The following DLX4 variants were observed in gnomAD, a reference collection of about 807,000 sequenced individuals.
The protein encoded by DLX4 is distal-less homeobox 4, also known as homeobox protein DLX-4.
Under a neutral mutation model 17.1 loss-of-function variants are expected in DLX4, and 13 were observed. That is an observed-to-expected ratio of 0.76 (90% confidence interval 0.49 to 1.21). The LOEUF is 1.21. DLX4 is among the 50% of genes most tolerant of loss of function. The probability of loss-of-function intolerance (pLI) is 0.00; values close to 1 mark genes in which losing one functional copy is unlikely to be tolerated. For synonymous variants in DLX4, 129 were observed against 140.3 expected (o/e 0.92, Z 0.57); for missense variants, 297 against 301.4 (o/e 0.99, Z 0.11).
chr17:49,973,331 C>A, intron 2 of DLX4, 62 bp downstream of exon 2: 1 of 1,579,438 alleles, frequency 6.3e-7, no homozygotes. Flanking sequence ...AACTCATCCC[C>A]CAGCCCCAGC....
In DLX4 at chr17:49,969,632, TG is replaced by T; in HGVS notation, c.165del (p.Ser56LeufsTer77). ...TACTCCAGGCCGTATGGCCACCTCC[TG>T]TCTTACCCCTACACCGAGCCAGCGA... ...LSYSRPYGHL[L>X]SYPYTEPANP... On this transcript the variant is annotated frameshift_variant, in exon 1 of 3. Transcript: ENST00000240306. LOFTEE classifies it high-confidence loss of function. 6.2e-7 allele frequency: 1 copy of T among 1,612,762 alleles called. No homozygotes were observed. Among genetic ancestry groups the T allele is most frequent in the Non-Finnish European group, 8.5e-7 (1 of 1,179,954 alleles).
In DLX4 at chr17:49,972,677, T is replaced by G; in HGVS notation, c.284-396T>G. ...TGCAATGTCCTTCCTCTGTCATCTCTAGGCCTCGGCTCAGCCCTGGACCTA... is the reference window on the plus strand; with the variant it reads ...TGCAATGTCCTTCCTCTGTCATCTCGAGGCCTCGGCTCAGCCCTGGACCTA... On this transcript the variant is annotated intron_variant, in intron 1 of 2. Transcript: ENST00000240306. This position sits in a 1 kb window ranked among gnomAD's most constrained non-coding sequence, Gnocchi z 5.4. The G allele has an allele frequency of 8.6e-7, 1 of 1,160,998 alleles. No individual in the cohort carries two copies. Among genetic ancestry groups the G allele is most frequent in the Non-Finnish European group, 1.1e-6 (1 of 925,392 alleles). The allele number at this position is 1,160,998 out of a possible 1,614,324, so 71.9% of individuals were successfully genotyped here.
At chr17:49,971,252 G>A (rs1211165815) in intron 1 of DLX4, among the ~76,000 whole-genome samples, 1 of 152,086 alleles carries the variant, frequency 6.6e-6, no homozygotes, top group Non-Finnish European at 1.5e-5. Context: ...CCCATCCAGC[G>A]AAAAACCACA....
intron 1 of DLX4, among the ~76,000 whole-genome samples, chr17:49,970,504 T>C (rs1372645742): frequency 6.6e-6 from 1 of 152,222 alleles, no homozygotes; most frequent in Non-Finnish European, 1.5e-5. Context: ...CAGTTCCCGT[T>C]GCCTGGAGCA....
Position 49,972,739 on chromosome 17 carries a change from C to A in DLX4, c.284-334C>A. 2.2e-6 allele frequency: 3 copies of A among 1,377,830 alleles called. No homozygotes were observed. Among genetic ancestry groups the A allele is most frequent in the Non-Finnish European group, 2.8e-6 (3 of 1,071,726 alleles). 85.4% of individuals were successfully genotyped at this position (1,377,830 alleles called of 1,614,324 possible). A position where few individuals can be genotyped will look rare whatever the true frequency, so the allele number is the denominator to read the frequency against. On this transcript the variant is annotated intron_variant, in intron 1 of 2. Coordinates refer to ENST00000240306, the MANE Select transcript of DLX4 (RefSeq NM_138281.3). The surrounding 1 kb of genome is among the most constrained non-coding windows in gnomAD (Gnocchi z 5.4). ...CCGCCCTACCCCAAGCTGGCGCCAC[C>A]GCCCGTGGCTGAACTCCGACCTCCC...
At position 49,972,978 on chromosome 17, in the gene DLX4, G is replaced by C. The variant is rs763724785; in HGVS notation, c.284-95G>C. 6.5e-7 allele frequency: 1 copy of C among 1,545,304 alleles called. No individual in the cohort carries two copies. The highest frequency in any genetic ancestry group is 1.9e-5 in the Admixed American group (1 of 51,960). On this transcript the variant is annotated intron_variant, in intron 1 of 2. Transcript: ENST00000240306. This position sits in a 1 kb window ranked among gnomAD's most constrained non-coding sequence, Gnocchi z 5.4. ...GCGCTTTTTGCTATTTGCTGCCGAC[G>C]GCATGCAGACGAGATGCAAATAAGC...
intron 1 of DLX4, 57 bp from the exon 2 acceptor site, chr17:49,973,016 C>G (rs1598148016): frequency 1.3e-6 from 2 of 1,582,554 alleles, no homozygotes; most frequent in Non-Finnish European, 1.7e-6. Flanking sequence ...ATGAAACTGT[C>G]CGTCCTACCC....
Position 49,969,231 on chromosome 17 carries a change from C to G in DLX4, c.-238C>G, listed in dbSNP as rs1905409209. 2.4e-6 allele frequency: 1 copy of G among 424,264 alleles called. No homozygotes were observed. Among genetic ancestry groups the G allele is most frequent in the African/African-American group, 2.1e-5 (1 of 47,424 alleles). The allele number at this position is 424,264 out of a possible 1,614,324, so 26.3% of individuals were successfully genotyped here. On this transcript the variant is annotated 5_prime_UTR_variant, in exon 1 of 3. Transcript: ENST00000240306. ...CGAACCCGATGGAGAGGAGGGGGCC[C>G]CCATGGATTTAGGGGGGGAGGGGAA...
intron 1 of DLX4, among the ~76,000 whole-genome samples, chr17:49,970,640 C>T (rs1032358355): frequency 2.6e-5 from 4 of 152,202 alleles, no homozygotes; most frequent in Admixed American, 6.5e-5. Flanking sequence ...TGCCCACAAT[C>T]CCATCTGCAC....
intron 1 of DLX4, among the ~76,000 whole-genome samples, chr17:49,971,512 G>A (rs981742284): frequency 6.6e-5 from 10 of 152,142 alleles, no homozygotes; most frequent in Admixed American, 2.0e-4. Flanking sequence ...GGCAGATCTC[G>A]TAACTTGCTG....
rs571456657 is a variant in DLX4 at position 49,972,929 on chromosome 17, G to A, written c.284-144G>A. The A allele has an allele frequency of 1.8e-5, 27 of 1,479,830 alleles. No homozygotes were observed. The highest frequency in any genetic ancestry group is 2.2e-5 in the Non-Finnish European group (24 of 1,112,430). The allele number at this position is 1,479,830 out of a possible 1,614,324, so 91.7% of individuals were successfully genotyped here. ...TCCACGCGGAAGGTAGAGGGCAGGG[G>A]CCAAGGGGGCGATCCTGGTGGCTGC... On this transcript the variant is annotated intron_variant, in intron 1 of 2. Coordinates refer to ENST00000240306, the MANE Select transcript of DLX4 (RefSeq NM_138281.3). This position sits in a 1 kb window ranked among gnomAD's most constrained non-coding sequence, Gnocchi z 5.4.
chr17:49,973,013 T>G, intron 1 of DLX4, 60 bp from the exon 2 acceptor site: 4 of 1,579,378 alleles, frequency 2.5e-6, no homozygotes, highest in South Asian at 1.1e-5. Context: ...CTTATGAAAC[T>G]GTCCGTCCTA....
chr17:49,971,752 G>C (rs1346703583), intron 1 of DLX4, among the ~76,000 whole-genome samples: 1 of 152,086 alleles, frequency 6.6e-6, no homozygotes, highest in African/African-American at 2.4e-5. Context: ...GGACAGGCGC[G>C]GGCGGGAGCG....
Position 49,972,999 on chromosome 17 carries a change from T to G in DLX4, c.284-74T>G. 6.4e-7 allele frequency: 1 copy of G among 1,560,886 alleles called. No homozygotes were observed. The highest frequency in any genetic ancestry group is 8.7e-7 in the Non-Finnish European group (1 of 1,149,168). ...CGACGGCATGCAGACGAGATGCAAA[T>G]AAGCTTATGAAACTGTCCGTCCTAC... On this transcript the variant is annotated intron_variant, in intron 1 of 2. Coordinates refer to ENST00000240306, the MANE Select transcript of DLX4 (RefSeq NM_138281.3). The surrounding 1 kb of genome is among the most constrained non-coding windows in gnomAD (Gnocchi z 5.4).
In DLX4 at chr17:49,973,751, G is replaced by A. The variant is rs1371432992; in HGVS notation, c.531G>A (p.Lys177=). Residue 177 remains lysine (K), a synonymous_variant, in exon 3 of 3, where the codon AAG becomes AAA. Coordinates refer to ENST00000240306, the MANE Select transcript of DLX4 (RefSeq NM_138281.3). ...NKRSKYKKLL[K]QNSGGQEGDF... ...GCTCCAAGTATAAGAAGCTCCTGAA[G>A]CAGAATTCTGGGGGGCAGGAAGGGG... 6.5e-7 allele frequency: 1 copy of A among 1,537,798 alleles called. No homozygotes were observed. The highest frequency in any genetic ancestry group is 8.7e-7 in the Non-Finnish European group (1 of 1,142,942).
At position 49,972,975 on chromosome 17, in the gene DLX4, G is replaced by A; in HGVS notation, c.284-98G>A. 1.3e-6 allele frequency: 2 copies of A among 1,542,830 alleles called. No individual in the cohort carries two copies. Among genetic ancestry groups the A allele is most frequent in the South Asian group, 1.2e-5 (1 of 80,526 alleles). On this transcript the variant is annotated intron_variant, in intron 1 of 2. Coordinates refer to ENST00000240306, the MANE Select transcript of DLX4 (RefSeq NM_138281.3). The surrounding 1 kb of genome is among the most constrained non-coding windows in gnomAD (Gnocchi z 5.4). ...GCTGCGCTTTTTGCTATTTGCTGCC[G>A]ACGGCATGCAGACGAGATGCAAATA...
intron 2 of DLX4, 96 bp from the exon 3 acceptor site, chr17:49,973,605 G>A: frequency 7.0e-7 from 1 of 1,436,088 alleles, no homozygotes. Context: ...TGGTCTCCCA[G>A]GACTGTGCCT....
chr17:49,973,704 A>C lies in DLX4; in HGVS notation c.484A>C (p.Lys162Gln), dbSNP rs768699749. 6.7e-7 allele frequency: 1 copy of C among 1,495,120 alleles called. No homozygotes were observed. 92.6% of individuals were successfully genotyped at this position (1,495,120 alleles called of 1,614,324 possible). A position where few individuals can be genotyped will look rare whatever the true frequency, so the allele number is the denominator to read the frequency against. The change falls in exon 3 of 3, where the codon AAG becomes CAG. Residue 162 changes from lysine (K) to glutamine (Q), a missense_variant. Lys to Gln is a moderately conservative substitution (Grantham distance 53, BLOSUM62 1). Transcript: ENST00000240306. ...AQLGLTQTQV[K>Q]IWFQNKRSKY... Reference sequence around the variant, plus strand: ...CTTTCCCCTTTTCTTCCCGAAGGTAAAGATCTGGTTTCAGAACAAACGCTC... The same window carrying C: ...CTTTCCCCTTTTCTTCCCGAAGGTACAGATCTGGTTTCAGAACAAACGCTC...
In DLX4 at chr17:49,972,727, A is replaced by G; in HGVS notation, c.284-346A>G. 1.5e-6 allele frequency: 2 copies of G among 1,368,548 alleles called. No homozygotes were observed. Among genetic ancestry groups the G allele is most frequent in the South Asian group, 1.8e-5 (1 of 54,730 alleles). The allele number at this position is 1,368,548 out of a possible 1,614,324, so 84.8% of individuals were successfully genotyped here. A position where few individuals can be genotyped will look rare whatever the true frequency, so the allele number is the denominator to read the frequency against. On this transcript the variant is annotated intron_variant, in intron 1 of 2. Coordinates refer to ENST00000240306, the MANE Select transcript of DLX4 (RefSeq NM_138281.3). This position sits in a 1 kb window ranked among gnomAD's most constrained non-coding sequence, Gnocchi z 5.4. ...AGCCTTTCTGCCCCGCCCTACCCCA[A>G]GCTGGCGCCACCGCCCGTGGCTGAA...
Sources: allele counts gnomAD v4.1 joint callset (sites outside exome capture counted in the v4.1 genomes callset), GRCh38; gene constraint gnomAD v4.1.1; non-coding constraint Gnocchi (gnomAD v3.1); transcripts MANE v1.5; gene names NCBI Gene and HGNC (gene_info 2026-07-23, HGNC 2026-07-21).